ITGBL1: variants seen among roughly 807,000 people sequenced by gnomAD.
The protein encoded by ITGBL1 is integrin beta-like protein 1.
Under a neutral mutation model 68.5 loss-of-function variants are expected in ITGBL1, and 51 were observed. The ratio of observed to expected loss-of-function variants is 0.74; its 90% CI spans 0.59 to 0.94. The LOEUF (loss-of-function observed/expected upper bound fraction) is 0.94. Among genes scored for constraint, ITGBL1 ranks in the 40% least tolerant of loss-of-function variants. ITGBL1 has a pLI of 0.00. For synonymous variants in ITGBL1, 209 were observed against 227.3 expected (o/e 0.92, Z 0.72); for missense variants, 649 against 647.4 (o/e 1.00, Z -0.03).
chr13:101,628,165 C>G (rs73556055), intron 7 of ITGBL1, among the ~76,000 whole-genome samples: 32 of 152,220 alleles, frequency 2.1e-4, no homozygotes, highest in African/African-American at 7.5e-4. Flanking sequence ...GGTATTTCAT[C>G]GTTTTAATTT....
chr13:101,657,989 T>C (rs1452408078), intron 7 of ITGBL1, among the ~76,000 whole-genome samples: 1 of 152,144 alleles, frequency 6.6e-6, no homozygotes, highest in African/African-American at 2.4e-5. Flanking sequence ...TAGATGCTTT[T>C]ATCCAAAAAA....
At chr13:101,691,129 A>G (rs981215648) in intron 7 of ITGBL1, among the ~76,000 whole-genome samples, 28 of 152,060 alleles carry the variant, frequency 1.8e-4, no homozygotes, top group African/African-American at 6.5e-4. Context: ...CACCCTCAAG[A>G]ATAAAAGCCC....
At chr13:101,709,399 G>A (rs367829542) in intron 9 of ITGBL1, among the ~76,000 whole-genome samples, 10,236 of 96,716 alleles carry the variant, frequency 0.11, 610 homozygotes, top group African/African-American at 0.18. Context: ...AAAAAAAAAA[G>A]AAAAGCAGGA....
chr13:101,453,919 C>A lies in ITGBL1; in HGVS notation c.135C>A (p.Ala45=), dbSNP rs779375787. ...WPGAACRLSR[A]ESERRCRAPG... ...GCGCCGCCTGCAGGCTGTCCCGGGC[C>A]GAGTCGGAGCGACGCTGCCGCGCAC... is the stretch of plus-strand genomic sequence containing the variant. The change falls in exon 2 of 11, where the codon GCC becomes GCA. Residue 45 remains alanine, a synonymous_variant. Transcript: ENST00000376180. 2 of 1,333,818 alleles carry A rather than the reference C, an allele frequency of 1.5e-6. No individual in the cohort carries two copies. Among genetic ancestry groups the A allele is most frequent in the Non-Finnish European group, 1.9e-6 (2 of 1,041,812 alleles). The allele number at this position is 1,333,818 out of a possible 1,614,324, so 82.6% of individuals were successfully genotyped here. A position where few individuals can be genotyped will look rare whatever the true frequency, so the allele number is the denominator to read the frequency against.
At chr13:101,717,560 C>T (rs2034772043), downstream of ITGBL1, 1 of 152,080 alleles carries the variant, frequency 6.6e-6, no homozygotes, top group East Asian at 1.9e-4. Flanking sequence ...ATCTAGCCAT[C>T]GTAATACAAA....
intron 2 of ITGBL1, among the ~76,000 whole-genome samples, chr13:101,523,390 C>T (rs191259648): frequency 3.2e-4 from 49 of 152,230 alleles, no homozygotes; most frequent in Non-Finnish European, 6.0e-4. Flanking sequence ...TGTCCTGGAG[C>T]GTGCAGTTCA....
chr13:101,494,369 T>C (rs925490251), intron 2 of ITGBL1, among the ~76,000 whole-genome samples: 1 of 152,226 alleles, frequency 6.6e-6, no homozygotes, highest in South Asian at 2.1e-4. Flanking sequence ...TTAACAAATC[T>C]TTAAAAAGTT....
At chr13:101,653,375 T>C (rs558910804) in intron 7 of ITGBL1, among the ~76,000 whole-genome samples, 1 of 152,200 alleles carries the variant, frequency 6.6e-6, no homozygotes, top group African/African-American at 2.4e-5. Flanking sequence ...ATCAGATTCA[T>C]TATATTTAAG....
intron 8 of ITGBL1, among the ~76,000 whole-genome samples, chr13:101,697,523 T>C (rs528804555): frequency 6.6e-6 from 1 of 152,312 alleles, no homozygotes; most frequent in Non-Finnish European, 1.5e-5. Context: ...ACCATTTTCT[T>C]TGGAATTAAG....
rs558660623 is a variant in ITGBL1 at position 101,705,612 on chromosome 13, T to TA, written c.1133-1134dup. Among the ~76,000 whole-genome samples the TA allele has an allele frequency of 7.2e-3, 1,055 of 147,250 alleles. 9 individuals are homozygous for TA. The highest frequency in any genetic ancestry group is 0.023 in the African/African-American group (926 of 40,220). The stretch of plus-strand genomic sequence containing the variant: ...AAATTAAAGAAATTCCTATCACTCC[T>TA]AAAAAAAAAAGAAAAAATAATTATA... On this transcript the variant is annotated intron_variant, in intron 8 of 10. Coordinates refer to ENST00000376180, the MANE Select transcript of ITGBL1 (RefSeq NM_004791.3).
downstream of ITGBL1, chr13:101,718,838 C>T (rs2034819428): frequency 6.6e-6 from 1 of 151,262 alleles, no homozygotes; most frequent in Non-Finnish European, 1.5e-5. Flanking sequence ...CAACTGTCAA[C>T]ACTTTGAAAC....
At chr13:101,509,035 C>A (rs1160437533) in intron 2 of ITGBL1, among the ~76,000 whole-genome samples, 1 of 152,056 alleles carries the variant, frequency 6.6e-6, no homozygotes, top group African/African-American at 2.4e-5. Context: ...CATATTAGTC[C>A]ATTTTCATGC....
Position 101,598,221 on chromosome 13 carries a change from C to T in ITGBL1, c.937C>T (p.Pro313Ser). 1.2e-6 allele frequency: 2 copies of T among 1,613,804 alleles called. No individual in the cohort carries two copies. Among genetic ancestry groups the T allele is most frequent in the African/African-American group, 2.7e-5 (2 of 75,000 alleles). Residue 313 changes from proline to serine, a missense_variant, in exon 7 of 11, where the codon CCA becomes TCA. Pro to Ser is a moderately conservative substitution (Grantham distance 74). Coordinates refer to ENST00000376180, the MANE Select transcript of ITGBL1 (RefSeq NM_004791.3). ...CTGGTATGGGAAGAAGTGTGAGCAC[C>T]CACAGTCCTGCACGCTGTCAGCTGA... ...AGWYGKKCEHPQSCTLSAEES... is the reference protein window; with the variant it reads ...AGWYGKKCEHSQSCTLSAEES...
chr13:101,518,871 A>C (rs1423533204), intron 2 of ITGBL1, among the ~76,000 whole-genome samples: 1 of 152,194 alleles, frequency 6.6e-6, no homozygotes, highest in Non-Finnish European at 1.5e-5. Context: ...TCCACTTTAC[A>C]GTTGAGGAAA....
rs757190745 is a variant in ITGBL1 at position 101,693,943 on chromosome 13, G to A, written c.1132+1242G>A. Among the ~76,000 whole-genome samples the A allele has an allele frequency of 3.3e-5, 5 of 152,176 alleles. 1 individual carries two copies. Among genetic ancestry groups the A allele is most frequent in the Admixed American group, 2.0e-4 (3 of 15,278 alleles). On this transcript the variant is annotated intron_variant, in intron 8 of 10. Coordinates refer to ENST00000376180, the MANE Select transcript of ITGBL1 (RefSeq NM_004791.3). The stretch of plus-strand genomic sequence containing the variant: ...ATAATGGAACACCAGGCATAAATTC[G>A]TAAAACATCTGCTGTGCTGGGCAGT...
At chr13:101,489,648 G>T (rs1389551200) in intron 2 of ITGBL1, among the ~76,000 whole-genome samples, 1 of 152,176 alleles carries the variant, frequency 6.6e-6, no homozygotes, top group African/African-American at 2.4e-5. Context: ...TGTAAATAAT[G>T]CCAGGGAAGT....
chr13:101,552,841 A>G (rs192951554), intron 2 of ITGBL1, among the ~76,000 whole-genome samples: 9 of 152,316 alleles, frequency 5.9e-5, no homozygotes, highest in Admixed American at 1.3e-4. Flanking sequence ...ACATTTGTAG[A>G]TCATAAGGTG....
intron 2 of ITGBL1, among the ~76,000 whole-genome samples, chr13:101,547,066 C>G (rs2049838177): frequency 6.6e-6 from 1 of 150,420 alleles, no homozygotes; most frequent in South Asian, 2.1e-4. Flanking sequence ...AAAGTCAAAC[C>G]CAGACTGCAG....
chr13:101,474,559 T>C (rs1483962595), intron 2 of ITGBL1, among the ~76,000 whole-genome samples: 2 of 152,154 alleles, frequency 1.3e-5, no homozygotes, highest in African/African-American at 4.8e-5. Flanking sequence ...GAAGAGCCCC[T>C]GGGCCTTGAA....
Sources: allele counts gnomAD v4.1 joint callset (sites outside exome capture counted in the v4.1 genomes callset), GRCh38; gene constraint gnomAD v4.1.1; transcripts MANE v1.5; gene names NCBI Gene and HGNC (gene_info 2026-07-23, HGNC 2026-07-21).